The following CLK1 variants were observed in gnomAD, a reference collection of about 807,000 sequenced individuals.
The protein encoded by CLK1 is dual specificity protein kinase CLK1.
A neutral mutation model predicts 60.9 loss-of-function variants in CLK1; 40 were observed. The ratio of observed to expected loss-of-function variants is 0.66; its 90% confidence interval spans 0.51 to 0.86. CLK1 has a LOEUF of 0.86. Ranked by LOEUF, CLK1 falls within the 40% of genes least tolerant of loss-of-function variation. CLK1 has a pLI of 0.00. For missense variants in CLK1, 563 were observed against 606.1 expected, an observed-to-expected ratio of 0.93 and a Z score of 0.75; for synonymous variants, 203 against 184.4, an observed-to-expected ratio of 1.10 and a Z score of -0.82.
At chr2:200,863,440 C>T (rs966513004) in intron 1 of CLK1, among the ~76,000 whole-genome samples, 5 of 152,100 alleles carry the variant, frequency 3.3e-5, no homozygotes, top group African/African-American at 1.2e-4. Context: ...CGCCTGTAGT[C>T]CCAACTACTC....
At chr2:200,860,705 C>T (rs1455576875) in intron 3 of CLK1, 23 of 998,252 alleles carry the variant, frequency 2.3e-5, no homozygotes, top group Non-Finnish European at 2.7e-5. Context: ...AAAGATTTGG[C>T]ATACAAGAAT....
chr2:200,861,351 G>C lies in CLK1; in HGVS notation c.277C>G (p.His93Asp). 1 of 1,614,078 alleles carries C rather than the reference G, an allele frequency of 6.2e-7. No homozygotes were observed. The highest frequency in any genetic ancestry group is 8.5e-7 in the Non-Finnish European group (1 of 1,180,012). ...GCEPGHRQRD[H>D]ESRYQNHSSK... ...CTATGGTTCTGATACCGGCTTTCAT[G>C]GTCTCTTTGGCGATGTCCAGGTTCA... Residue 93 changes from histidine (H) to aspartate (D), a missense_variant, in exon 3 of 13, where the codon CAT becomes GAT. Physicochemically the swap from His to Asp is moderately conservative, Grantham distance 81 (BLOSUM62 -1). Coordinates refer to ENST00000321356, the MANE Select transcript of CLK1 (RefSeq NM_004071.4).
intron 3 of CLK1, chr2:200,860,680 T>C (rs908587661): frequency 2.0e-6 from 2 of 996,930 alleles, no homozygotes; most frequent in Non-Finnish European, 2.4e-6. Flanking sequence ...ATTAAAGTGC[T>C]AATTTTGGGG....
chr2:200,863,098 GTTCT>G (rs774978001), intron 1 of CLK1: 4 of 151,944 alleles, frequency 2.6e-5, no homozygotes, highest in Non-Finnish European at 4.4e-5. Flanking sequence ...ATCAACTGCC[GTTCT>G]TTCTTACCGG....
Position 200,856,679 on chromosome 2 carries a change from C to CTAAAAT in CLK1, c.1057+2_1057+3insATTTTA. 1.3e-6 allele frequency: 2 copies of CTAAAAT among 1,568,022 alleles called. No homozygotes were observed. Among genetic ancestry groups the CTAAAAT allele is most frequent in the Admixed American group, 2.0e-5 (1 of 50,160 alleles). On this transcript the variant is annotated splice_region_variant and intron_variant, in intron 9 of 12. Coordinates refer to ENST00000321356, the MANE Select transcript of CLK1 (RefSeq NM_004071.4). Reference sequence around the variant, plus strand: ...AGGTTCTCAAAGGACAATTAATACTCACCTAAAATAACTTCAGGTGCTCTA... The same window carrying CTAAAAT: ...AGGTTCTCAAAGGACAATTAATACTCTAAAATACCTAAAATAACTTCAGGTGCTCTA...
In CLK1 at chr2:200,857,888, C is replaced by T. The variant is rs770817474; in HGVS notation, c.666-4G>A. 2.5e-6 allele frequency: 4 copies of T among 1,611,996 alleles called. No homozygotes were observed. The African/African-American group carries it at 4.0e-5, about 16-fold the overall frequency. Reference sequence around the variant, plus strand: ...TTCCAACATCTGGACACAGCGGCTACAAACACATGAAAAATAGCTAAGTAT... The same window carrying T: ...TTCCAACATCTGGACACAGCGGCTATAAACACATGAAAAATAGCTAAGTAT... On this transcript the variant is annotated splice_polypyrimidine_tract_variant and splice_region_variant and intron_variant, in intron 6 of 12. Coordinates refer to ENST00000321356, the MANE Select transcript of CLK1 (RefSeq NM_004071.4).
rs1342019539 is a variant in CLK1, at chr2:200,860,765, A to AT, written c.390+472dup. 3.0e-6 allele frequency: 3 copies of AT among 1,005,338 alleles called. No individual in the cohort carries two copies. The East Asian group carries it at 3.1e-4, about 103-fold the overall frequency. 62.3% of individuals were successfully genotyped at this position (1,005,338 alleles called of 1,614,324 possible). ...TCTGAGCTGATCTCCATACTAATAT[A>AT]TAACCCATAACAGTTCAAATCTGTT... is the stretch of plus-strand genomic sequence containing the variant. On this transcript the variant is annotated intron_variant, in intron 3 of 12. Transcript: ENST00000321356.
chr2:200,853,679 GA>G (rs34449560), intron 12 of CLK1, among the ~76,000 whole-genome samples: 14,238 of 48,730 alleles, frequency 0.29, 1,139 homozygotes, highest in Middle Eastern at 0.32. Flanking sequence ...GTCTTTACTT[GA>G]AAAAAAAAAA....
At chr2:200,857,573 A>G in intron 7 of CLK1, 145 bp downstream of exon 7, 1 of 626,672 alleles carries the variant, frequency 1.6e-6, no homozygotes, top group Non-Finnish European at 2.6e-6. Context: ...TGCTGGATCA[A>G]CAGCCTGTAA....
At chr2:200,861,176 T>C in intron 3 of CLK1, 62 bp downstream of exon 3, 1 of 1,556,414 alleles carries the variant, frequency 6.4e-7, no homozygotes, top group African/African-American at 1.4e-5. Context: ...AACACAAAAA[T>C]TCAAGTTTCC....
At chr2:200,854,587 T>C in intron 11 of CLK1, 29 bp downstream of exon 11, 1 of 1,305,626 alleles carries the variant, frequency 7.7e-7, no homozygotes, top group Non-Finnish European at 1.1e-6. Flanking sequence ...CAAATGATAC[T>C]AAGGATGTCA....
At chr2:200,862,276 G>A (rs2039151560) in intron 1 of CLK1, among the ~76,000 whole-genome samples, 1 of 152,168 alleles carries the variant, frequency 6.6e-6, no homozygotes, top group Non-Finnish European at 1.5e-5. Context: ...TATACATCCA[G>A]ATGGCCTGAA....
At chr2:200,859,839 T>G in intron 4 of CLK1, 93 bp from the exon 5 acceptor site, 1 of 1,543,434 alleles carries the variant, frequency 6.5e-7, no homozygotes, top group South Asian at 1.2e-5. Flanking sequence ...TTCTAGTTGA[T>G]GCTACAAATT....
chr2:200,858,144 G>A (rs771294345), intron 5 of CLK1, 55 bp from the exon 6 acceptor site: 2 of 1,127,702 alleles, frequency 1.8e-6, no homozygotes, highest in Admixed American at 3.4e-5. Context: ...CTCAATTCCA[G>A]GTATTACTGT....
rs2039067313 is a variant in CLK1 at position 200,857,756 on chromosome 2, A to C, written c.794T>G (p.Ile265Ser). ...GCATATCTGATATGCCATCTTTCTGATATGATCCAGTCGAAATGGTAGAAA... is the reference window on the plus strand; with the variant it reads ...GCATATCTGATATGCCATCTTTCTGCTATGATCCAGTCGAAATGGTAGAAA... ...NGFLPFRLDH[I>S]RKMAYQICKS... is the part of the protein sequence containing the mutation. The change falls in exon 7 of 13, where the codon ATC becomes AGC. Residue 265 changes from isoleucine to serine, a missense_variant. Physicochemically the swap from Ile to Ser is moderately radical, Grantham distance 142 (BLOSUM62 -2). Coordinates refer to ENST00000321356, the MANE Select transcript of CLK1 (RefSeq NM_004071.4). 1 of 1,610,178 alleles carries C rather than the reference A, an allele frequency of 6.2e-7. No individual in the cohort carries two copies. The highest frequency in any genetic ancestry group is 8.5e-7 in the Non-Finnish European group (1 of 1,178,274).
intron 5 of CLK1, 79 bp downstream of exon 5, chr2:200,859,601 G>C (rs1030775364): frequency 1.7e-6 from 2 of 1,170,024 alleles, no homozygotes; most frequent in Non-Finnish European, 1.3e-6. Flanking sequence ...CTAACTCATG[G>C]TCAGACCACT....
chr2:200,855,576 G>C lies in CLK1; in HGVS notation c.1058-490C>G, dbSNP rs185152255. On this transcript the variant is annotated intron_variant, in intron 9 of 12. Coordinates refer to ENST00000321356, the MANE Select transcript of CLK1 (RefSeq NM_004071.4). ...ATAGGCGGAGCTTGCGGTGAGCCGA[G>C]ATCGCGCCACTGCACTCTAGCCTGG... is the stretch of plus-strand genomic sequence containing the variant. 2.5e-3 allele frequency among the ~76,000 whole-genome samples: 382 copies of C among 151,746 alleles called. 1 individual carries two copies. Among genetic ancestry groups the C allele is most frequent in the African/African-American group, 8.9e-3 (368 of 41,372 alleles).
rs878880953 is a variant in CLK1 at position 200,859,588 on chromosome 2, T to C, written c.548+92A>G. On this transcript the variant is annotated intron_variant, in intron 5 of 12. Coordinates refer to ENST00000321356, the MANE Select transcript of CLK1 (RefSeq NM_004071.4). ...AAGTAAAAAAGGGTATAAAGATATG[T>C]ATCTAACTCATGGTCAGACCACTTT... 3 of 926,632 alleles carry C rather than the reference T, an allele frequency of 3.2e-6. No individual in the cohort carries two copies. The South Asian group carries it at 4.5e-5, about 14-fold the overall frequency. The allele number at this position is 926,632 out of a possible 1,614,324, so 57.4% of individuals were successfully genotyped here.
chr2:200,864,211 T>TC, intron 1 of CLK1: 1 of 1,548,940 alleles, frequency 6.5e-7, no homozygotes, highest in Non-Finnish European at 8.7e-7. Flanking sequence ...GAAGCCGGCC[T>TC]CCGCCCAGCC....
Sources: allele counts gnomAD v4.1 joint callset (sites outside exome capture counted in the v4.1 genomes callset), GRCh38; gene constraint gnomAD v4.1.1; transcripts MANE v1.5; gene names NCBI Gene and HGNC (gene_info 2026-07-23, HGNC 2026-07-21).